Variants in NTM observed in about 807,000 individuals in gnomAD.
NTM encodes the protein neurotrimin.
In NTM, 13 loss-of-function variants were observed where a neutral mutation model predicts 42.1. The observed-to-expected ratio is 0.31, with a 90% CI of 0.20 to 0.49. NTM has a LOEUF of 0.49. Among genes scored for constraint, NTM ranks in the 20% least tolerant of loss-of-function variants. The pLI is 0.99. For synonymous variants in NTM, 187 were observed against 179.2 expected (o/e 1.04, Z -0.35); for missense variants, 373 against 452.8 (o/e 0.82, Z 1.60).
intron 2 of NTM, among the ~76,000 whole-genome samples, chr11:131,951,868 A>ACCTCATAG (rs1160111387): frequency 6.8e-6 from 1 of 147,640 alleles, no homozygotes; most frequent in Non-Finnish European, 1.5e-5. Flanking sequence ...CACTACTCCC[A>ACCTCATAG]CCTCATAGGC....
chr11:131,911,799 C>A (rs556305379), intron 2 of NTM, 151 bp downstream of exon 2: 1 of 1,011,468 alleles, frequency 9.9e-7, no homozygotes, highest in Non-Finnish European at 1.5e-6. Flanking sequence ...GCTGGGGGCT[C>A]TGCCCGGGAA....
At chr11:131,802,756 TAGTC>T (rs1479908812) in intron 1 of NTM, among the ~76,000 whole-genome samples, 4 of 152,172 alleles carry the variant, frequency 2.6e-5, no homozygotes, top group South Asian at 2.1e-4. Context: ...GGCTAACAAA[TAGTC>T]AGAGCCTGAG....
intron 1 of NTM, among the ~76,000 whole-genome samples, chr11:131,372,816 T>C (rs571716632): frequency 6.6e-6 from 1 of 152,028 alleles, no homozygotes; most frequent in African/African-American, 2.4e-5. Context: ...TCAGAATAAA[T>C]GCAGGGAAGC....
At chr11:131,667,294 G>A (rs1032577654) in intron 1 of NTM, among the ~76,000 whole-genome samples, 64 of 152,112 alleles carry the variant, frequency 4.2e-4, no homozygotes, top group Admixed American at 5.2e-4. Context: ...GGGCTTTGCC[G>A]TAGTCCTTAC....
At chr11:132,076,917 G>C (rs1457288853) in intron 2 of NTM, among the ~76,000 whole-genome samples, 1 of 152,018 alleles carries the variant, frequency 6.6e-6, no homozygotes, top group East Asian at 1.9e-4. Flanking sequence ...TGTTTTCTTT[G>C]AAGTCTTTTT....
chr11:131,699,063 C>T (rs1043228371), intron 1 of NTM, among the ~76,000 whole-genome samples: 1 of 152,188 alleles, frequency 6.6e-6, no homozygotes. Context: ...AATTCATTGA[C>T]TTGTTCACCT....
intron 1 of NTM, among the ~76,000 whole-genome samples, chr11:131,644,075 A>G (rs2134256277): frequency 6.6e-6 from 1 of 152,210 alleles, no homozygotes; most frequent in South Asian, 2.1e-4. Context: ...TGGAGCTGGA[A>G]CTCTGGTGGT....
At chr11:131,975,512 G>A (rs1342576206) in intron 2 of NTM, among the ~76,000 whole-genome samples, 2 of 151,784 alleles carry the variant, frequency 1.3e-5, no homozygotes, top group Non-Finnish European at 2.9e-5. Flanking sequence ...TAGTCTTCTA[G>A]ATTTATAAGC....
intron 2 of NTM, among the ~76,000 whole-genome samples, chr11:131,943,368 C>T (rs139353596): frequency 6.6e-6 from 1 of 152,342 alleles, no homozygotes; most frequent in East Asian, 1.9e-4. Flanking sequence ...AGGTCAGTCC[C>T]AGAGCCGGCT....
At chr11:131,541,300 G>A (rs73574294) in intron 1 of NTM, among the ~76,000 whole-genome samples, 3,703 of 152,288 alleles carry the variant, frequency 0.024, 163 homozygotes, top group African/African-American at 0.082. Context: ...AAATTACGGA[G>A]GCTGTTAAAC....
intron 1 of NTM, among the ~76,000 whole-genome samples, chr11:131,777,845 C>A (rs996994565): frequency 6.6e-5 from 10 of 152,198 alleles, no homozygotes; most frequent in Admixed American, 3.3e-4. Context: ...GTAGATTTTA[C>A]ATTAATCATA....
intron 3 of NTM, among the ~76,000 whole-genome samples, chr11:132,185,478 A>G (rs574871307): frequency 1.3e-5 from 2 of 152,154 alleles, no homozygotes; most frequent in Non-Finnish European, 2.9e-5. Context: ...GCGATGCCCA[A>G]AATTAGAGCT....
At chr11:131,501,619 A>G (rs2046840830) in intron 1 of NTM, among the ~76,000 whole-genome samples, 1 of 152,200 alleles carries the variant, frequency 6.6e-6, no homozygotes, top group African/African-American at 2.4e-5. Flanking sequence ...ACCAATGACA[A>G]TATTTCTGCT....
At chr11:131,531,313 TG>T (rs1028560007) in intron 1 of NTM, among the ~76,000 whole-genome samples, 4 of 151,980 alleles carry the variant, frequency 2.6e-5, no homozygotes, top group South Asian at 2.1e-4. Context: ...TAATTTTTTT[TG>T]GGGGGGAGGT....
intron 3 of NTM, among the ~76,000 whole-genome samples, chr11:132,169,732 G>A (rs1197095590): frequency 6.6e-6 from 1 of 152,178 alleles, no homozygotes; most frequent in Non-Finnish European, 1.5e-5. Context: ...TGACAGACAA[G>A]CATGAGAAAA....
At chr11:132,304,081 G>T (rs746489606) in intron 4 of NTM, among the ~76,000 whole-genome samples, 3 of 152,154 alleles carry the variant, frequency 2.0e-5, no homozygotes, top group Non-Finnish European at 4.4e-5. Flanking sequence ...CATAGCACTT[G>T]TGCAAAATAA....
intron 4 of NTM, among the ~76,000 whole-genome samples, chr11:132,216,759 G>A (rs2083935510): frequency 6.6e-6 from 1 of 152,168 alleles, no homozygotes. Context: ...ATTTGCCAAT[G>A]CCCCAAAGAG....
intron 2 of NTM, among the ~76,000 whole-genome samples, chr11:132,048,459 C>T (rs925976521): frequency 6.6e-6 from 1 of 152,198 alleles, no homozygotes; most frequent in Admixed American, 6.5e-5. Flanking sequence ...ACAGGACAAC[C>T]ATGACAGCCA....
intron 2 of NTM, among the ~76,000 whole-genome samples, chr11:131,946,912 A>G (rs1216595122): frequency 6.6e-6 from 1 of 152,220 alleles, no homozygotes; most frequent in Non-Finnish European, 1.5e-5. Flanking sequence ...TCATGTATAC[A>G]GGAAAGTGCC....
Sources: gnomAD v4.1 joint callset for allele counts (sites outside exome capture counted in the v4.1 genomes callset) on GRCh38, gnomAD v4.1.1 for gene constraint, MANE v1.5 for transcripts, NCBI Gene and HGNC (gene_info 2026-07-23, HGNC 2026-07-21) for gene names.